The following TBL1X variants were observed in gnomAD, a reference collection of about 807,000 sequenced individuals.
TBL1X encodes the protein transducin beta like 1 X-linked, also known as F-box-like/WD repeat-containing protein TBL1X.
TBL1X carries 10 observed loss-of-function variants against 50.7 expected under a neutral mutation model. The ratio of observed to expected loss-of-function variants is 0.20; its 90% confidence interval spans 0.12 to 0.33. The LOEUF (loss-of-function observed/expected upper bound fraction) is 0.33, where lower values mean the gene tolerates loss of function less well. TBL1X is among the 10% of genes least tolerant of loss of function. TBL1X has a pLI of 1.00. For missense variants in TBL1X, 340 were observed against 504.4 expected (o/e 0.67, Z 3.12); for synonymous variants, 190 against 214.7 (o/e 0.88, Z 1.01).
intron 2 of TBL1X, among the ~76,000 whole-genome samples, chrX:9,557,612 G>A (rs923128437): frequency 1.8e-5 from 2 of 111,573 alleles, no homozygotes; most frequent in African/African-American, 6.5e-5. Flanking sequence ...GGAGTTAAAG[G>A]GTAGAATCAG....
chrX:9,680,589 C>G (rs749500137), intron 5 of TBL1X, among the ~76,000 whole-genome samples: 45 of 111,439 alleles, frequency 4.0e-4, no homozygotes, highest in African/African-American at 1.4e-3. Context: ...CTCCTGCTTG[C>G]CTTCATGAGA....
chrX:9,698,184 T>C (rs2083144385), intron 12 of TBL1X, among the ~76,000 whole-genome samples: 1 of 111,164 alleles, frequency 9.0e-6, no homozygotes. Flanking sequence ...TCTTAAGGTT[T>C]GCAAGATAGA....
At chrX:9,642,970 G>A in intron 3 of TBL1X, among the ~76,000 whole-genome samples, 2 of 112,471 alleles carry the variant, frequency 1.8e-5, no homozygotes, top group African/African-American at 6.5e-5. Flanking sequence ...GTGAGGCTCC[G>A]AGAGGCCCAC....
At chrX:9,585,837 G>C (rs993347450) in intron 2 of TBL1X, among the ~76,000 whole-genome samples, 1 of 111,941 alleles carries the variant, frequency 8.9e-6, no homozygotes, top group African/African-American at 3.3e-5. Flanking sequence ...ACATTCTGAG[G>C]TACTGGGCGC....
At chrX:9,609,336 G>GGGGTGGGTGTGTGT (rs1555900202) in intron 2 of TBL1X, among the ~76,000 whole-genome samples, 5 of 94,774 alleles carry the variant, frequency 5.3e-5, no homozygotes, top group African/African-American at 1.6e-4. Context: ...TTTTCTTCCA[G>GGGGTGGGTGTGTGT]GTGTGTGTGT....
At chrX:9,554,921 C>T (rs1569053613) in intron 2 of TBL1X, among the ~76,000 whole-genome samples, 4 of 111,517 alleles carry the variant, frequency 3.6e-5, no homozygotes, top group South Asian at 3.8e-4. Flanking sequence ...CAGCCCCTGG[C>T]GGCCACTGAT....
chrX:9,568,598 C>CTGTG (rs200110245), intron 2 of TBL1X, among the ~76,000 whole-genome samples: 1 of 99,612 alleles, frequency 1.0e-5, no homozygotes, highest in Non-Finnish European at 2.1e-5. Flanking sequence ...GTGCAGTGTG[C>CTGTG]TGTGTGTGTG....
At chrX:9,701,239 G>A in intron 12 of TBL1X, among the ~76,000 whole-genome samples, 1 of 111,456 alleles carries the variant, frequency 9.0e-6, no homozygotes, top group South Asian at 3.9e-4. Context: ...TACCTTTGCA[G>A]CTTCCTGTAA....
intron 2 of TBL1X, chrX:9,636,986 T>C (rs1339234431): frequency 2.7e-5 from 3 of 112,146 alleles, no homozygotes; most frequent in Non-Finnish European, 3.8e-5. Flanking sequence ...GTGTGAAGAA[T>C]TAAAAGGTGG....
chrX:9,531,905 T>C (rs1295365119), intron 2 of TBL1X, among the ~76,000 whole-genome samples: 1 of 110,735 alleles, frequency 9.0e-6, no homozygotes, highest in African/African-American at 3.3e-5. Flanking sequence ...GGCTAATTTT[T>C]GTATTTTTAG....
chrX:9,644,779 C>G (rs964897425), intron 3 of TBL1X: 2 of 111,467 alleles, frequency 1.8e-5, no homozygotes, highest in African/African-American at 6.5e-5. Context: ...CTTCAGCCTC[C>G]TGAGTAGCTG....
At chrX:9,644,066 A>G (rs1689261591) in intron 3 of TBL1X, among the ~76,000 whole-genome samples, 1 of 112,219 alleles carries the variant, frequency 8.9e-6, no homozygotes, top group Non-Finnish European at 1.9e-5. Context: ...GTCAAATTAA[A>G]TTCTTCATAT....
intron 1 of TBL1X, among the ~76,000 whole-genome samples, chrX:9,473,204 C>T (rs771950805): frequency 2.7e-5 from 3 of 111,424 alleles, no homozygotes; most frequent in Non-Finnish European, 5.6e-5. Flanking sequence ...TTCCCGAAAG[C>T]GTAGAGAATT....
chrX:9,700,249 G>T (rs189416399), intron 12 of TBL1X, among the ~76,000 whole-genome samples: 1 of 112,490 alleles, frequency 8.9e-6, no homozygotes, highest in African/African-American at 3.2e-5. Flanking sequence ...CAGACCCCGG[G>T]GGGTGAGGCA....
At chrX:9,472,167 G>A (rs764798320) in intron 1 of TBL1X, among the ~76,000 whole-genome samples, 1 of 112,533 alleles carries the variant, frequency 8.9e-6, no homozygotes, top group African/African-American at 3.2e-5. Flanking sequence ...GTATTGTTCA[G>A]TGCTGCGAGC....
chrX:9,699,970 G>A (rs1240992791), intron 12 of TBL1X, among the ~76,000 whole-genome samples: 2 of 112,038 alleles, frequency 1.8e-5, no homozygotes, highest in Non-Finnish European at 3.8e-5. Context: ...CAGGTAGCAC[G>A]TGTACTAGGT....
At chrX:9,694,383 C>A (rs1195897990) in intron 11 of TBL1X, among the ~76,000 whole-genome samples, 1 of 111,615 alleles carries the variant, frequency 9.0e-6, no homozygotes, top group Admixed American at 9.6e-5. Context: ...CTTACTAGGT[C>A]TTGAAGTTCG....
intron 6 of TBL1X, among the ~76,000 whole-genome samples, chrX:9,686,317 A>G (rs1480247414): frequency 1.8e-5 from 2 of 112,011 alleles, no homozygotes; most frequent in African/African-American, 3.2e-5. Context: ...AGAAGCCTTC[A>G]TAGTTGCCTT....
intron 2 of TBL1X, chrX:9,560,675 G>T (rs758241656): frequency 1.8e-5 from 2 of 112,109 alleles, no homozygotes; most frequent in Non-Finnish European, 3.8e-5. Flanking sequence ...TGCTAATAGC[G>T]TGGACCAAAG....
Sources: gnomAD v4.1 joint callset for allele counts (sites outside exome capture counted in the v4.1 genomes callset) on GRCh38, gnomAD v4.1.1 for gene constraint, MANE v1.5 for transcripts, NCBI Gene and HGNC (gene_info 2026-07-23, HGNC 2026-07-21) for gene names.